The following PCDH9 variants were observed in gnomAD, a reference collection of about 807,000 sequenced individuals.
PCDH9 encodes protocadherin 9.
In PCDH9, 24 loss-of-function variants were observed where a neutral mutation model predicts 70.6. That is an observed-to-expected ratio of 0.34 (90% confidence interval 0.25 to 0.48). The LOEUF is 0.48. Among genes scored for constraint, PCDH9 ranks in the 20% least tolerant of loss-of-function variants. PCDH9 has a pLI of 0.99. For missense variants in PCDH9, 1,281 were observed against 1,503.6 expected, an observed-to-expected ratio of 0.85 and a Z score of 2.45; for synonymous variants, 562 against 558.5, an observed-to-expected ratio of 1.01 and a Z score of -0.09.
intron 4 of PCDH9, among the ~76,000 whole-genome samples, chr13:66,423,175 C>T (rs776246965): frequency 6.6e-6 from 1 of 151,850 alleles, no homozygotes; most frequent in Non-Finnish European, 1.5e-5. Context: ...AACAGCCTAC[C>T]AACCAAAAAA....
intron 2 of PCDH9, among the ~76,000 whole-genome samples, chr13:67,010,036 T>C (rs1450187800): frequency 6.6e-6 from 1 of 152,010 alleles, no homozygotes; most frequent in Non-Finnish European, 1.5e-5. Context: ...TCAGGAAATG[T>C]GAAGAGCAAG....
chr13:66,722,228 G>A (rs1057317337), intron 3 of PCDH9, among the ~76,000 whole-genome samples: 19 of 152,098 alleles, frequency 1.2e-4, no homozygotes, highest in African/African-American at 4.6e-4. Flanking sequence ...TACGTATCAG[G>A]CATGTGTGTA....
intron 2 of PCDH9, among the ~76,000 whole-genome samples, chr13:66,914,126 A>G (rs562841799): frequency 1.3e-5 from 2 of 152,010 alleles, no homozygotes; most frequent in African/African-American, 4.8e-5. Flanking sequence ...GTGTTTTTTT[A>G]AATCTATTTT....
intron 2 of PCDH9, among the ~76,000 whole-genome samples, chr13:67,160,661 G>A (rs2087933246): frequency 6.6e-6 from 1 of 151,904 alleles, no homozygotes; most frequent in African/African-American, 2.4e-5. Flanking sequence ...ACACCATTGT[G>A]TTTTTATCAG....
chr13:66,735,113 A>C (rs17081678), intron 3 of PCDH9, among the ~76,000 whole-genome samples: 8,273 of 152,282 alleles, frequency 0.054, 705 homozygotes, highest in African/African-American at 0.19. Flanking sequence ...TGTTCACTGA[A>C]AAGTTATATC....
chr13:66,701,614 A>C lies in PCDH9; in HGVS notation c.3139-70203T>G, dbSNP rs190447742. ...CTCAGAATAAAACCATATTCTTTTAAATGCAGGTTCACAAGGCTTCATCAA... is the reference window on the plus strand; with the variant it reads ...CTCAGAATAAAACCATATTCTTTTACATGCAGGTTCACAAGGCTTCATCAA... On this transcript the variant is annotated intron_variant, in intron 3 of 4. Transcript: ENST00000377865. Among the ~76,000 whole-genome samples, 360 of 152,100 alleles carry C rather than the reference A, an allele frequency of 2.4e-3. 2 individuals carry two copies. Among genetic ancestry groups the C allele is most frequent in the African/African-American group, 8.3e-3 (345 of 41,486 alleles).
intron 3 of PCDH9, among the ~76,000 whole-genome samples, chr13:66,895,187 T>A (rs1163424820): frequency 2.6e-5 from 4 of 152,170 alleles, no homozygotes; most frequent in Non-Finnish European, 4.4e-5. Flanking sequence ...ATACGAACTG[T>A]TTATGTGAAA....
intron 2 of PCDH9, among the ~76,000 whole-genome samples, chr13:67,049,110 G>A (rs7981585): frequency 6.6e-6 from 1 of 152,048 alleles, no homozygotes; most frequent in Non-Finnish European, 1.5e-5. Flanking sequence ...TTAGCCTTCC[G>A]TAATCAGTAC....
At chr13:67,173,259 A>AT (rs1325922435) in intron 2 of PCDH9, among the ~76,000 whole-genome samples, 40 of 152,308 alleles carry the variant, frequency 2.6e-4, no homozygotes, top group African/African-American at 9.4e-4. Flanking sequence ...AGAATTTGAC[A>AT]TTTGTTACAT....
chr13:66,878,672 T>C (rs1349704399), intron 3 of PCDH9, among the ~76,000 whole-genome samples: 2 of 152,136 alleles, frequency 1.3e-5, no homozygotes, highest in Non-Finnish European at 2.9e-5. Flanking sequence ...GAAAGTGGAA[T>C]GTGAAATAGG....
chr13:66,943,460 C>T (rs61959216), intron 2 of PCDH9, among the ~76,000 whole-genome samples: 3 of 152,094 alleles, frequency 2.0e-5, no homozygotes, highest in South Asian at 2.1e-4. Context: ...CTCTACTCCA[C>T]TATCCTCAAT....
intron 4 of PCDH9, among the ~76,000 whole-genome samples, chr13:66,555,171 A>AAAAT (rs1265305868): frequency 6.1e-4 from 93 of 152,244 alleles, no homozygotes; most frequent in Middle Eastern, 3.4e-3. Flanking sequence ...CTCTGTCTCA[A>AAAAT]AAATAAATAA....
intron 4 of PCDH9, among the ~76,000 whole-genome samples, chr13:66,458,241 A>G (rs775528527): frequency 2.0e-5 from 3 of 152,076 alleles, no homozygotes; most frequent in Non-Finnish European, 4.4e-5. Context: ...TGATTTAAGT[A>G]GATTTCTGGT....
intron 3 of PCDH9, among the ~76,000 whole-genome samples, chr13:66,719,462 G>GT (rs1226057871): frequency 6.6e-6 from 1 of 152,126 alleles, no homozygotes; most frequent in Non-Finnish European, 1.5e-5. Flanking sequence ...CCTCCACCAT[G>GT]TGAGGACTCA....
At chr13:67,024,027 G>T (rs1427154067) in intron 2 of PCDH9, among the ~76,000 whole-genome samples, 1 of 151,996 alleles carries the variant, frequency 6.6e-6, no homozygotes, top group Non-Finnish European at 1.5e-5. Context: ...AACAACAGTA[G>T]CTCTGGTTGC....
At chr13:66,928,018 G>A (rs1175622568) in intron 2 of PCDH9, among the ~76,000 whole-genome samples, 1 of 151,942 alleles carries the variant, frequency 6.6e-6, no homozygotes, top group African/African-American at 2.4e-5. Flanking sequence ...CTGCACCCCT[G>A]CCACAACCAG....
chr13:66,419,200 G>A (rs1957517691), intron 4 of PCDH9, among the ~76,000 whole-genome samples: 1 of 123,524 alleles, frequency 8.1e-6, no homozygotes, highest in Non-Finnish European at 1.8e-5. Context: ...CTCATTTTAT[G>A]AGGCCAGCAT....
At chr13:66,422,289 C>T (rs1021616554) in intron 4 of PCDH9, among the ~76,000 whole-genome samples, 29 of 152,112 alleles carry the variant, frequency 1.9e-4, no homozygotes, top group African/African-American at 5.8e-4. Context: ...GACTTCAATT[C>T]AGCTCTGGAC....
chr13:66,923,251 T>C (rs145626825), intron 2 of PCDH9, among the ~76,000 whole-genome samples: 36 of 151,746 alleles, frequency 2.4e-4, no homozygotes, highest in African/African-American at 8.4e-4. Context: ...AACAGTTTTA[T>C]AATTGACACA....
Sources: gnomAD v4.1 joint callset for allele counts (sites outside exome capture counted in the v4.1 genomes callset) on GRCh38, gnomAD v4.1.1 for gene constraint, MANE v1.5 for transcripts, NCBI Gene and HGNC (gene_info 2026-07-23, HGNC 2026-07-21) for gene names.